Variants in KCNN3 observed in about 807,000 individuals in gnomAD.
KCNN3 encodes small conductance calcium-activated potassium channel protein 3.
KCNN3 carries 16 observed loss-of-function variants against 62.9 expected under a neutral mutation model. The observed-to-expected ratio is 0.25, with a 90% CI of 0.17 to 0.39. The LOEUF (loss-of-function observed/expected upper bound fraction) is 0.39, where lower values mean the gene tolerates loss of function less well. KCNN3 is among the 10% of genes least tolerant of loss of function. The pLI, the probability that KCNN3 is intolerant of heterozygous loss-of-function variation, is 1.00. For missense variants in KCNN3, 599 were observed against 949.4 expected (o/e 0.63, Z 4.85); for synonymous variants, 370 against 389.2 (o/e 0.95, Z 0.58).
chr1:154,710,446 G>A (rs186256569), intron 7 of KCNN3, among the ~76,000 whole-genome samples: 44 of 152,118 alleles, frequency 2.9e-4, no homozygotes, highest in Admixed American at 2.8e-3. Context: ...ATCTCCCCAC[G>A]GGGGTTCTGC....
chr1:154,856,316 A>G (rs1033182928), intron 1 of KCNN3, among the ~76,000 whole-genome samples: 1 of 152,086 alleles, frequency 6.6e-6, no homozygotes, highest in African/African-American at 2.4e-5. Flanking sequence ...CTTAGCCACG[A>G]TGTCTTCACA....
chr1:154,707,986 C>T lies in KCNN3; in HGVS notation c.2186G>A (p.Ser729Asn). ...TSFPTPYTSS[S>N]SC ...AGTGGGGAGATTTATTTAGCAACTGCTTGAACTTGTGTACGGGGTCGGGAA... is the reference window on the plus strand; with the variant it reads ...AGTGGGGAGATTTATTTAGCAACTGTTTGAACTTGTGTACGGGGTCGGGAA... The change falls in exon 8 of 8, where the codon AGC becomes AAC. Residue 729 changes from serine to asparagine, a missense_variant. Physicochemically the swap from Ser to Asn is conservative, Grantham distance 46. Around this residue, in one of 7 missense-constraint regions of KCNN3, gnomAD observed 52 missense variants for 53.3 expected, o/e 0.98. Transcript: ENST00000271915. The T allele has an allele frequency of 1.2e-6, 2 of 1,613,368 alleles. No homozygotes were observed. Among genetic ancestry groups the T allele is most frequent in the Non-Finnish European group, 1.7e-6 (2 of 1,179,632 alleles).
intron 2 of KCNN3, among the ~76,000 whole-genome samples, chr1:154,796,233 C>T (rs950533275): frequency 2.0e-5 from 3 of 152,202 alleles, no homozygotes; most frequent in Non-Finnish European, 4.4e-5. Context: ...CTCATAAATT[C>T]TTATTGCCAG....
intron 2 of KCNN3, among the ~76,000 whole-genome samples, chr1:154,807,411 C>T (rs748894980): frequency 1.4e-4 from 21 of 152,316 alleles, no homozygotes; most frequent in South Asian, 1.0e-3. Flanking sequence ...TTTGAGCCCA[C>T]TTAACACTCA....
rs140552852 is a variant in KCNN3 at position 154,709,413 on chromosome 1, G to A, written c.1900-1141C>T. On this transcript the variant is annotated intron_variant, in intron 7 of 7. Transcript: ENST00000271915. ...TCTGATGATCTGCCAGTGACACCCC[G>A]ATCCTATTTCACGTGAAATTTCAGG... Among the ~76,000 whole-genome samples, 496 of 152,182 alleles carry A rather than the reference G, an allele frequency of 3.3e-3. 3 individuals carry two copies. The highest frequency in any genetic ancestry group is 0.011 in the African/African-American group (462 of 41,506).
chr1:154,737,150 T>G (rs1185661401), intron 3 of KCNN3: 7 of 546,788 alleles, frequency 1.3e-5, no homozygotes, highest in Non-Finnish European at 3.5e-6. Flanking sequence ...TAGAGCGGTT[T>G]ACACATGTCA....
intron 2 of KCNN3, among the ~76,000 whole-genome samples, chr1:154,788,789 G>A (rs4079531): frequency 0.63 from 95,156 of 152,092 alleles, 30,381 homozygotes; most frequent in African/African-American, 0.72. Flanking sequence ...ACTAGGTTCC[G>A]GGTGCTAGTC....
intron 6 of KCNN3, among the ~76,000 whole-genome samples, chr1:154,714,556 GGTGTGTGTGTGGT>G (rs1700186242): frequency 1.6e-5 from 1 of 63,360 alleles, no homozygotes; most frequent in Non-Finnish European, 3.2e-5. Flanking sequence ...GTGTGTGTGT[GGTGTGTGTGTGGT>G]GTGTGTGTGT....
At chr1:154,778,330 G>A (rs1251455677) in intron 2 of KCNN3, among the ~76,000 whole-genome samples, 2 of 152,172 alleles carry the variant, frequency 1.3e-5, no homozygotes, top group Non-Finnish European at 2.9e-5. Flanking sequence ...GCCATTGTGG[G>A]TATATAAATC....
intron 1 of KCNN3, among the ~76,000 whole-genome samples, chr1:154,851,009 G>A (rs917484343): frequency 2.0e-5 from 3 of 152,082 alleles, no homozygotes; most frequent in African/African-American, 4.8e-5. Flanking sequence ...GCAGAGTCTC[G>A]CTCTGTCACC....
At chr1:154,822,383 G>A (rs1650939799) in intron 1 of KCNN3, among the ~76,000 whole-genome samples, 199 bp from the exon 2 acceptor site, 1 of 152,230 alleles carries the variant, frequency 6.6e-6, no homozygotes, top group African/African-American at 2.4e-5. Context: ...TGTCTCAGCA[G>A]CTGCCCCCTT....
chr1:154,726,269 A>T (rs1484164653), intron 4 of KCNN3, among the ~76,000 whole-genome samples: 2 of 152,144 alleles, frequency 1.3e-5, no homozygotes, highest in African/African-American at 4.8e-5. Flanking sequence ...GACCTCTGGG[A>T]GGCTGAGCTA....
chr1:154,759,323 AG>A (rs1486536793), intron 3 of KCNN3, among the ~76,000 whole-genome samples: 1 of 152,192 alleles, frequency 6.6e-6, no homozygotes, highest in Non-Finnish European at 1.5e-5. Flanking sequence ...CCTTTGAGGG[AG>A]GGGTCTGCAC....
chr1:154,869,086 A>C lies in KCNN3; in HGVS notation c.879T>G (p.Phe293Leu), dbSNP rs778666134. The C allele has an allele frequency of 2.5e-6, 4 of 1,614,146 alleles. No homozygotes were observed. The Admixed American group carries it at 6.7e-5, about 27-fold the overall frequency. ...LSDYALIFGM[F>L]GIVVMVIETE... ...TCTCTATCACCATAACAACAATTCC[A>C]AACATCCCAAAAATCAGAGCATAGT... Residue 293 changes from phenylalanine to leucine, a missense_variant, in exon 1 of 8, where the codon TTT (phenylalanine) becomes TTG (leucine). Phe to Leu is a conservative substitution (Grantham distance 22, BLOSUM62 0). Coordinates refer to ENST00000271915, the MANE Select transcript of KCNN3 (RefSeq NM_002249.6). The surrounding 1 kb of genome is among the most constrained non-coding windows in gnomAD (Gnocchi z 6.1).
intron 3 of KCNN3, among the ~76,000 whole-genome samples, chr1:154,747,564 T>G (rs956854152): frequency 6.6e-6 from 1 of 152,172 alleles, no homozygotes; most frequent in Non-Finnish European, 1.5e-5. Context: ...TATCTGGTAC[T>G]CTGATTTGCT....
intron 3 of KCNN3, among the ~76,000 whole-genome samples, chr1:154,745,928 GAGAGTCCAAC>G (rs557808841): frequency 7.4e-4 from 113 of 152,322 alleles, no homozygotes; most frequent in African/African-American, 2.6e-3. Context: ...GGCATGGGCA[GAGAGTCCAAC>G]AGACGGGGGT....
At chr1:154,833,427 G>A (rs1053379635) in intron 1 of KCNN3, among the ~76,000 whole-genome samples, 6 of 152,110 alleles carry the variant, frequency 3.9e-5, no homozygotes, top group Non-Finnish European at 7.4e-5. Context: ...CAGGCTTCCC[G>A]GAGTTGCCAG....
In KCNN3 at chr1:154,705,174, C is replaced by T. The variant is rs1699943371; in HGVS notation, c.*2802G>A. On this transcript the variant is annotated 3_prime_UTR_variant, in exon 8 of 8. Coordinates refer to ENST00000271915, the MANE Select transcript of KCNN3 (RefSeq NM_002249.6). ...ATGAGAATCCACCTGCCCCTTTTCC[C>T]ATCTGACTGTGATGCTGAGGTGTGG... 1 of 152,152 alleles carries T rather than the reference C, an allele frequency of 6.6e-6. No homozygotes were observed. The highest frequency in any genetic ancestry group is 2.4e-5 in the African/African-American group (1 of 41,416). 9.4% of individuals were successfully genotyped at this position (152,152 alleles called of 1,614,324 possible). A position where few individuals can be genotyped will look rare whatever the true frequency, so the allele number is the denominator to read the frequency against.
rs935668432 is a variant in KCNN3, at chr1:154,807,053, A to C, written c.1029+15036T>G. Among the ~76,000 whole-genome samples, 15 of 152,144 alleles carry C rather than the reference A, an allele frequency of 9.9e-5. 1 individual carries two copies. Among genetic ancestry groups the C allele is most frequent in the Admixed American group, 7.2e-4 (11 of 15,278 alleles). ...TTCTCTTCTTCCAGAGCCAGGCAGT[A>C]TTGGCTGTAAAACTCAGCCCTGTCA... On this transcript the variant is annotated intron_variant, in intron 2 of 7. Transcript: ENST00000271915.
Sources: allele counts gnomAD v4.1 joint callset (sites outside exome capture counted in the v4.1 genomes callset), GRCh38; gene constraint gnomAD v4.1.1; regional missense constraint gnomAD v4.1.1; non-coding constraint Gnocchi (gnomAD v3.1); transcripts MANE v1.5; gene names NCBI Gene and HGNC (gene_info 2026-07-23, HGNC 2026-07-21).